The following DGKI variants were observed in gnomAD, a reference collection of about 807,000 sequenced individuals.
DGKI encodes the protein diacylglycerol kinase iota.
In DGKI, 55 loss-of-function variants were observed where a neutral mutation model predicts 147.5. That is an observed-to-expected ratio of 0.37 (90% CI 0.30 to 0.47). The LOEUF (loss-of-function observed/expected upper bound fraction) is 0.47, where lower values mean the gene tolerates loss of function less well. DGKI is among the 20% of genes least tolerant of loss of function. The pLI is 1.00. For missense variants in DGKI, 1,007 were observed against 1,323.8 expected (o/e 0.76, Z 3.71); for synonymous variants, 469 against 477.1 (o/e 0.98, Z 0.22).
intron 3 of DGKI, among the ~76,000 whole-genome samples, chr7:137,674,033 T>C (rs541685939): frequency 5.3e-5 from 8 of 152,238 alleles, no homozygotes; most frequent in Non-Finnish European, 1.0e-4. Flanking sequence ...TGGAATTTTA[T>C]TTCAGGTTTC....
At chr7:137,567,123 G>C (rs1818612587) in intron 19 of DGKI, among the ~76,000 whole-genome samples, 2 of 151,782 alleles carry the variant, frequency 1.3e-5, no homozygotes. Flanking sequence ...AATTAGCCAG[G>C]TGTGGTGGCG....
chr7:137,646,882 T>C (rs991009766), intron 5 of DGKI, among the ~76,000 whole-genome samples: 3 of 152,168 alleles, frequency 2.0e-5, no homozygotes, highest in African/African-American at 7.2e-5. Flanking sequence ...CTGAGAAGCA[T>C]TAGCATTATC....
rs980110369 is a variant in DGKI at position 137,602,071 on chromosome 7, G to A, written c.1168-2166C>T. On this transcript the variant is annotated intron_variant, in intron 10 of 32. Coordinates refer to ENST00000614521, the MANE Select transcript of DGKI (RefSeq NM_001321708.2). ...TATGAAGTGTGTTTGGGATTATCTC[G>A]AATAATCTTTTATGTTTAATAGGTA... 3.2e-4 allele frequency among the ~76,000 whole-genome samples: 49 copies of A among 151,862 alleles called. 2 individuals are homozygous for A. Among genetic ancestry groups the A allele is most frequent in the Non-Finnish European group, 2.9e-5 (2 of 67,982 alleles).
intron 28 of DGKI, among the ~76,000 whole-genome samples, chr7:137,417,128 T>G (rs1005955246): frequency 6.6e-6 from 1 of 152,244 alleles, no homozygotes; most frequent in Non-Finnish European, 1.5e-5. Flanking sequence ...AATATTATTC[T>G]TCATAGTTTC....
intron 1 of DGKI, among the ~76,000 whole-genome samples, chr7:137,748,076 T>C (rs73462628): frequency 0.024 from 3,668 of 152,270 alleles, 148 homozygotes; most frequent in African/African-American, 0.083. Context: ...CTTCTGACTC[T>C]AGTAAATAAG....
intron 20 of DGKI, among the ~76,000 whole-genome samples, chr7:137,550,649 A>ATATTGTTTTACAC (rs1231836764): frequency 6.6e-6 from 1 of 152,226 alleles, no homozygotes; most frequent in African/African-American, 2.4e-5. Flanking sequence ...GTTGCTGAGC[A>ATATTGTTTTACAC]AATACGAATT....
intron 1 of DGKI, among the ~76,000 whole-genome samples, chr7:137,713,325 G>A (rs1370973316): frequency 6.6e-6 from 1 of 152,156 alleles, no homozygotes; most frequent in African/African-American, 2.4e-5. Flanking sequence ...TGTAACATTT[G>A]TGATTTGGCC....
At chr7:137,415,833 T>A (rs985568382) in intron 28 of DGKI, among the ~76,000 whole-genome samples, 1 of 151,628 alleles carries the variant, frequency 6.6e-6, no homozygotes, top group African/African-American at 2.4e-5. Flanking sequence ...TAAAAAAATA[T>A]AAAAAATTGG....
intron 28 of DGKI, among the ~76,000 whole-genome samples, chr7:137,420,431 T>C (rs981391934): frequency 6.6e-6 from 1 of 152,182 alleles, no homozygotes; most frequent in African/African-American, 2.4e-5. Context: ...TGAATTGTGA[T>C]GTGCTTTGAG....
At chr7:137,596,955 G>C (rs1026580870) in intron 12 of DGKI, among the ~76,000 whole-genome samples, 37 of 152,116 alleles carry the variant, frequency 2.4e-4, no homozygotes. Context: ...TCCAAATCCG[G>C]AAGAAAAAGA....
At chr7:137,668,902 C>T (rs1822740356) in intron 3 of DGKI, among the ~76,000 whole-genome samples, 1 of 152,206 alleles carries the variant, frequency 6.6e-6, no homozygotes, top group Admixed American at 6.5e-5. Context: ...CTTGGAACCA[C>T]TTTCATTCAA....
intron 30 of DGKI, among the ~76,000 whole-genome samples, chr7:137,399,867 G>A (rs1811686518): frequency 6.6e-6 from 1 of 151,092 alleles, no homozygotes; most frequent in Non-Finnish European, 1.5e-5. Context: ...CCAAGATTGT[G>A]CTCACTGCCT....
chr7:137,662,744 G>T (rs893724784), intron 3 of DGKI, among the ~76,000 whole-genome samples: 6 of 152,192 alleles, frequency 3.9e-5, no homozygotes, highest in African/African-American at 1.4e-4. Context: ...CCTGAGTAGT[G>T]TTGGCCCATG....
At chr7:137,746,839 G>A (rs1795352156) in intron 1 of DGKI, among the ~76,000 whole-genome samples, 4 of 152,006 alleles carry the variant, frequency 2.6e-5, no homozygotes, top group African/African-American at 9.7e-5. Context: ...ATCGTGTCCT[G>A]AAAAGAACTA....
chr7:137,494,561 T>G (rs1361980905), intron 21 of DGKI, among the ~76,000 whole-genome samples: 7 of 152,164 alleles, frequency 4.6e-5, no homozygotes, highest in Non-Finnish European at 1.0e-4. Context: ...AATTCTATAT[T>G]TAGCCAAACT....
intron 6 of DGKI, among the ~76,000 whole-genome samples, chr7:137,629,452 T>C (rs1821054313): frequency 6.6e-6 from 1 of 152,218 alleles, no homozygotes; most frequent in African/African-American, 2.4e-5. Context: ...GACCTCAAAC[T>C]GGTTGTGGTG....
At chr7:137,767,471 GGAAGAGAAGA>G (rs71177920) in intron 1 of DGKI, among the ~76,000 whole-genome samples, 1,724 of 89,638 alleles carry the variant, frequency 0.019, 23 homozygotes, top group South Asian at 0.035. Flanking sequence ...AGAAGAGAAG[GGAAGAGAAGA>G]GAAGAGAAGA....
chr7:137,447,954 A>C (rs1472431634), intron 27 of DGKI, among the ~76,000 whole-genome samples: 1 of 152,220 alleles, frequency 6.6e-6, no homozygotes, highest in Non-Finnish European at 1.5e-5. Context: ...AGGGAGGATG[A>C]GAAATGGTAA....
At chr7:137,443,299 T>A (rs1273787762) in intron 28 of DGKI, among the ~76,000 whole-genome samples, 1 of 152,192 alleles carries the variant, frequency 6.6e-6, no homozygotes. Flanking sequence ...AACGATCATT[T>A]TGGTGCTAGC....
Sources: gnomAD v4.1 joint callset for allele counts (sites outside exome capture counted in the v4.1 genomes callset) on GRCh38, gnomAD v4.1.1 for gene constraint, MANE v1.5 for transcripts, NCBI Gene and HGNC (gene_info 2026-07-23, HGNC 2026-07-21) for gene names.